The following KDM2A variants were observed in gnomAD, a reference collection of about 807,000 sequenced individuals.
The protein encoded by KDM2A is lysine demethylase 2A.
In KDM2A, 3 loss-of-function variants were observed where a neutral mutation model predicts 137.3. That is an observed-to-expected ratio of 0.02 (90% CI 0.01 to 0.06). KDM2A has a LOEUF of 0.06. KDM2A is among the 10% of genes least tolerant of loss of function. The probability of loss-of-function intolerance (pLI) is 1.00; values close to 1 mark genes in which losing one functional copy is unlikely to be tolerated. For missense variants in KDM2A, 738 were observed against 1,510.6 expected, an observed-to-expected ratio of 0.49 and a Z score of 8.48; for synonymous variants, 512 against 541.5, an observed-to-expected ratio of 0.95 and a Z score of 0.76.
At chr11:67,122,631 TTTTTTATTTA>T (rs1555077776) in intron 2 of KDM2A, among the ~76,000 whole-genome samples, 1 of 150,712 alleles carries the variant, frequency 6.6e-6, no homozygotes, top group South Asian at 2.1e-4. Context: ...CCATGGCCTA[TTTTTTATTTA>T]TTTTTATTTA....
At chr11:67,179,336 C>T (rs61891346) in intron 2 of KDM2A, among the ~76,000 whole-genome samples, 4,853 of 152,182 alleles carry the variant, frequency 0.032, 123 homozygotes, top group African/African-American at 0.07. Context: ...TGCAATGGCA[C>T]GATCTTGGCT....
rs1856984202 is a variant in KDM2A, at chr11:67,176,983, C to T, written c.43-3096C>T. On this transcript the variant is annotated intron_variant, in intron 2 of 20. Transcript: ENST00000529006. ...TTTTTCAATAATAAACTAGGCTGGG[C>T]ACGGTGGCTCACGCCTGTAATCCCA... 3.3e-5 allele frequency among the ~76,000 whole-genome samples: 5 copies of T among 151,998 alleles called. No homozygotes were observed. The South Asian group carries it at 1.0e-3, about 32-fold the overall frequency.
Position 67,207,631 on chromosome 11 carries a change from C to T in KDM2A, c.429C>T (p.Val143=). ...AGGAGCGAGAGAAACTCTATAATGT[C>T]ATCAGCCTCGAGTTTAGCCACACCA... ...PEEEREKLYN[V]ISLEFSHTRL... The change falls in exon 6 of 21, where the codon GTC becomes GTT. Residue 143 remains valine, a synonymous_variant. Transcript: ENST00000529006. 6.2e-7 allele frequency: 1 copy of T among 1,613,522 alleles called. No homozygotes were observed. Among genetic ancestry groups the T allele is most frequent in the Non-Finnish European group, 8.5e-7 (1 of 1,179,670 alleles).
At position 67,231,626 on chromosome 11, in the gene KDM2A, C is replaced by G. The variant is rs1440403220; in HGVS notation, c.1145C>G (p.Pro382Arg). Residue 382 changes from proline (P) to arginine (R), a missense_variant, in exon 12 of 21, where the codon CCC (proline) becomes CGC (arginine). Pro to Arg is a moderately radical substitution (Grantham distance 103). This residue lies in a region of KDM2A where 113 missense variants were observed against 133.5 expected (regional missense o/e 0.85). Transcript: ENST00000529006. Reference protein sequence around the residue: ...NGDEEAVDREPRRLSSRRSVL... With the variant: ...NGDEEAVDRERRRLSSRRSVL... ...GATGAGGAAGCAGTGGATCGAGAAC[C>G]CCGACGCTTGAGCAGCAGGCGTTCT... is the stretch of plus-strand genomic sequence containing the variant. 3 of 1,612,218 alleles carry G rather than the reference C, an allele frequency of 1.9e-6. No homozygotes were observed. Among genetic ancestry groups the G allele is most frequent in the African/African-American group, 1.3e-5 (1 of 74,858 alleles).
At chr11:67,202,827 A>G (rs1012674979) in intron 5 of KDM2A, among the ~76,000 whole-genome samples, 1 of 151,448 alleles carries the variant, frequency 6.6e-6, no homozygotes, top group Non-Finnish European at 1.5e-5. Context: ...GAGATCTTGT[A>G]TCGGCAAAAA....
intron 5 of KDM2A, among the ~76,000 whole-genome samples, chr11:67,200,565 G>T (rs1857594811): frequency 6.6e-6 from 1 of 151,982 alleles, no homozygotes; most frequent in Non-Finnish European, 1.5e-5. Flanking sequence ...AAGTTGGAGT[G>T]CAATGGTACA....
At chr11:67,203,888 C>T (rs970353921) in intron 5 of KDM2A, among the ~76,000 whole-genome samples, 11 of 151,412 alleles carry the variant, frequency 7.3e-5, no homozygotes, top group Non-Finnish European at 1.5e-4. Flanking sequence ...GCAACCTCTG[C>T]CTCTTGAATT....
intron 6 of KDM2A, among the ~76,000 whole-genome samples, chr11:67,215,079 TTAA>T (rs1262747727): frequency 6.6e-6 from 1 of 152,224 alleles, no homozygotes; most frequent in East Asian, 1.9e-4. Context: ...TATTGCATAA[TTAA>T]TGATTCCATT....
In KDM2A at chr11:67,250,567, AGCGTGGGGATGAGGAGGG is replaced by A; in HGVS notation, c.2540_2557del (p.Arg847_Gly852del). The A allele has an allele frequency of 1.2e-6, 2 of 1,613,474 alleles. No individual in the cohort carries two copies. Among genetic ancestry groups the A allele is most frequent in the Non-Finnish European group, 1.7e-6 (2 of 1,179,642 alleles). ...CAGCACTGCCCAGCCCGAACCCCCC[AGCGTGGGGATGAGGAGGG>A]GCTGGGGGGAGAGGAGGAGGAAGAG... On this transcript the variant is annotated inframe_deletion, in exon 17 of 21. Coordinates refer to ENST00000529006, the MANE Select transcript of KDM2A (RefSeq NM_012308.3). This position sits in a 1 kb window ranked among gnomAD's most constrained non-coding sequence, Gnocchi z 7.1.
In KDM2A at chr11:67,257,686, G is replaced by GT. The variant is rs1378795118; in HGVS notation, c.*2637dup. ...ACTTATGTTTAAAGGGTTTGGTTGTGTTTTTTGTTTTTCGGAGAAATATTG... is the reference window on the plus strand; with the variant it reads ...ACTTATGTTTAAAGGGTTTGGTTGTGTTTTTTTGTTTTTCGGAGAAATATTG... On this transcript the variant is annotated 3_prime_UTR_variant, in exon 21 of 21. Transcript: ENST00000529006. The GT allele has an allele frequency of 1.3e-5, 2 of 152,170 alleles. No individual in the cohort carries two copies. Among genetic ancestry groups the GT allele is most frequent in the South Asian group, 2.1e-4 (1 of 4,830 alleles). The allele number at this position is 152,170 out of a possible 1,614,324, so 9.4% of individuals were successfully genotyped here.
chr11:67,139,738 C>T (rs1215873709), intron 2 of KDM2A, among the ~76,000 whole-genome samples: 1 of 151,888 alleles, frequency 6.6e-6, no homozygotes, highest in Non-Finnish European at 1.5e-5. Flanking sequence ...GAGACAGAGT[C>T]TCGCTCTGTC....
chr11:67,121,460 G>T, intron 2 of KDM2A, 102 bp downstream of exon 2: 1 of 1,200,432 alleles, frequency 8.3e-7, no homozygotes, highest in Non-Finnish European at 1.2e-6. Flanking sequence ...AAAACTTTTC[G>T]GGTGACTTTT....
chr11:67,197,327 C>G (rs184817476), intron 5 of KDM2A, among the ~76,000 whole-genome samples: 154 of 152,254 alleles, frequency 1.0e-3, no homozygotes, highest in African/African-American at 3.6e-3. Flanking sequence ...GTGGGCACCA[C>G]CATGCCCAGA....
At position 67,255,796 on chromosome 11, in the gene KDM2A, G is replaced by C. The variant is rs1417150792; in HGVS notation, c.*741G>C. On this transcript the variant is annotated 3_prime_UTR_variant, in exon 21 of 21. Coordinates refer to ENST00000529006, the MANE Select transcript of KDM2A (RefSeq NM_012308.3). ...GAGGAGCTGGAACTGTCTACCCCAG[G>C]GACACACCCATTTCGTTGCTACCCA... 3.4e-6 allele frequency: 1 copy of C among 298,192 alleles called. No individual in the cohort carries two copies. Among genetic ancestry groups the C allele is most frequent in the East Asian group, 1.0e-4 (1 of 9,638 alleles). The allele number at this position is 298,192 out of a possible 1,614,324, so 18.5% of individuals were successfully genotyped here.
At position 67,252,712 on chromosome 11, in the gene KDM2A, T is replaced by C; in HGVS notation, c.2787T>C (p.Leu929=). 1 of 1,613,924 alleles carries C rather than the reference T, an allele frequency of 6.2e-7. No homozygotes were observed. The highest frequency in any genetic ancestry group is 1.1e-5 in the South Asian group (1 of 91,080). Residue 929 remains leucine, a synonymous_variant, in exon 18 of 21, where the codon CTT becomes CTC. Coordinates refer to ENST00000529006, the MANE Select transcript of KDM2A (RefSeq NM_012308.3). The stretch of plus-strand genomic sequence containing the variant: ...ATCACAGGTGCTGCGACAAGAGACT[T>C]TGGACAAAAATTGACTTGAGTAGGT... The part of the protein sequence containing the change: ...TWYKWCCDKR[L]WTKIDLSRCK...
chr11:67,153,466 C>T (rs1856444383), intron 2 of KDM2A, among the ~76,000 whole-genome samples: 1 of 152,102 alleles, frequency 6.6e-6, no homozygotes, highest in Admixed American at 6.5e-5. Context: ...TATCTAGAGC[C>T]ATTTTCTGGA....
intron 1 of KDM2A, among the ~76,000 whole-genome samples, chr11:67,120,760 A>G (rs1453820223): frequency 3.3e-5 from 5 of 152,150 alleles, no homozygotes; most frequent in African/African-American, 9.7e-5. Context: ...GGGGTCATTT[A>G]AATCCTAATT....
At chr11:67,156,737 A>T (rs1453125534) in intron 2 of KDM2A, among the ~76,000 whole-genome samples, 1 of 150,664 alleles carries the variant, frequency 6.6e-6, no homozygotes, top group Non-Finnish European at 1.5e-5. Flanking sequence ...AAAAAAAAAA[A>T]AATTAGCTGG....
Position 67,254,647 on chromosome 11 carries a change from G to T in KDM2A, c.3308-227G>T, listed in dbSNP as rs1859544292. Among the ~76,000 whole-genome samples the T allele has an allele frequency of 6.6e-6, 1 of 152,212 alleles. No homozygotes were observed. Among genetic ancestry groups the T allele is most frequent in the African/African-American group, 2.4e-5 (1 of 41,450 alleles). Reference sequence around the variant, plus strand: ...TCTGCGCAGCCAACATCCAGCTGGAGTTTGGTCAGCCTTGCAGCCCTTGTG... The same window carrying T: ...TCTGCGCAGCCAACATCCAGCTGGATTTTGGTCAGCCTTGCAGCCCTTGTG... On this transcript the variant is annotated intron_variant, in intron 20 of 20. Transcript: ENST00000529006. This position sits in a 1 kb window ranked among gnomAD's most constrained non-coding sequence, Gnocchi z 4.7.
Sources: gnomAD v4.1 joint callset for allele counts (sites outside exome capture counted in the v4.1 genomes callset) on GRCh38, gnomAD v4.1.1 for gene constraint, gnomAD v4.1.1 regional missense constraint, Gnocchi (gnomAD v3.1) non-coding constraint, MANE v1.5 for transcripts, NCBI Gene and HGNC (gene_info 2026-07-23, HGNC 2026-07-21) for gene names.